GPR107: variants seen among roughly 807,000 people sequenced by gnomAD.
GPR107 encodes protein GPR107.
GPR107 carries 31 observed loss-of-function variants against 75.5 expected under a neutral mutation model. The observed-to-expected ratio is 0.41, with a 90% CI of 0.31 to 0.55. The LOEUF (loss-of-function observed/expected upper bound fraction) is 0.55. Among genes scored for constraint, GPR107 ranks in the 20% least tolerant of loss-of-function variants. The pLI, the probability that GPR107 is intolerant of heterozygous loss-of-function variation, is 0.26. For missense variants in GPR107, 572 were observed against 665.7 expected (o/e 0.86, Z 1.55); for synonymous variants, 267 against 251.3 (o/e 1.06, Z -0.59).
At chr9:130,131,438 A>T (rs1304372317) in intron 17 of GPR107, among the ~76,000 whole-genome samples, 1 of 151,776 alleles carries the variant, frequency 6.6e-6, no homozygotes, top group African/African-American at 2.4e-5. Context: ...CTGGCCACAC[A>T]CTGAAGCTCC....
In GPR107 at chr9:130,090,951, T is replaced by A; in HGVS notation, c.697T>A (p.Leu233Met). 6.5e-7 allele frequency: 1 copy of A among 1,531,012 alleles called. No homozygotes were observed. Among genetic ancestry groups the A allele is most frequent in the Non-Finnish European group, 9.1e-7 (1 of 1,104,878 alleles). The allele number at this position is 1,531,012 out of a possible 1,614,324, so 94.8% of individuals were successfully genotyped here. A position where few individuals can be genotyped will look rare whatever the true frequency, so the allele number is the denominator to read the frequency against. The change falls in exon 8 of 18, where the codon TTG becomes ATG. Residue 233 changes from leucine (L) to methionine (M), a missense_variant. Coordinates refer to ENST00000347136, the MANE Select transcript of GPR107 (RefSeq NM_020960.5). ...LYFHKCLGKE[L>M]PSDKFTFSLD... ...TTTTCATAAATGCCTTGGAAAAGAATTGCCAAGTGACAAGTTTACATTCAG... is the reference window on the plus strand; with the variant it reads ...TTTTCATAAATGCCTTGGAAAAGAAATGCCAAGTGACAAGTTTACATTCAG...
chr9:130,094,874 T>G (rs1010216239), intron 9 of GPR107, among the ~76,000 whole-genome samples: 6 of 152,152 alleles, frequency 3.9e-5, no homozygotes, highest in Admixed American at 6.5e-5. Flanking sequence ...AGAGACTGGC[T>G]TTTGCCATGT....
chr9:130,134,457 G>A lies in GPR107; in HGVS notation c.1563-568G>A, dbSNP rs527702129. On this transcript the variant is annotated intron_variant, in intron 17 of 17. Coordinates refer to ENST00000347136, the MANE Select transcript of GPR107 (RefSeq NM_020960.5). ...CACAGAGTGGAGGCAGAGGCCATGC[G>A]CTGAGGCACAGCCACATGGCCCAGC... Among the ~76,000 whole-genome samples the A allele has an allele frequency of 9.8e-5, 15 of 152,346 alleles. No homozygotes were observed. The East Asian group carries it at 1.9e-3, about 20-fold the overall frequency.
At chr9:130,086,230 ACTACCATT>A (rs1191467786) in intron 6 of GPR107, among the ~76,000 whole-genome samples, 182 bp from the exon 7 acceptor site, 1 of 152,232 alleles carries the variant, frequency 6.6e-6, no homozygotes, top group African/African-American at 2.4e-5. Flanking sequence ...GTGAAGAACA[ACTACCATT>A]CTCTGTGAAA....
chr9:130,129,317 G>A lies in GPR107; in HGVS notation c.1562+556G>A, dbSNP rs559855605. The A allele has an allele frequency of 5.2e-4, 80 of 152,638 alleles. 1 individual carries two copies. In the South Asian group the frequency reaches 0.015, roughly 29 times the overall value. 9.5% of individuals were successfully genotyped at this position (152,638 alleles called of 1,614,324 possible). A position where few individuals can be genotyped will look rare whatever the true frequency, so the allele number is the denominator to read the frequency against. On this transcript the variant is annotated intron_variant, in intron 17 of 17. Coordinates refer to ENST00000347136, the MANE Select transcript of GPR107 (RefSeq NM_020960.5). ...AAGGGCCATCATTGTCTAGAAAAAT[G>A]AGTAGTGATTAAGCATATTTGCTTG...
chr9:130,101,471 G>T (rs1035085274), intron 12 of GPR107, among the ~76,000 whole-genome samples: 1 of 152,276 alleles, frequency 6.6e-6, no homozygotes, highest in African/African-American at 2.4e-5. Flanking sequence ...TGCTGACAGT[G>T]ACAGGGAGAC....
At chr9:130,054,225 G>A in intron 1 of GPR107, 152 bp downstream of exon 1, 1 of 799,726 alleles carries the variant, frequency 1.3e-6, no homozygotes, top group Non-Finnish European at 1.9e-6. Context: ...GGGTCTGTGG[G>A]GAAGGCGGGT....
At chr9:130,098,558 T>A (rs1405591843) in intron 9 of GPR107, among the ~76,000 whole-genome samples, 1 of 152,188 alleles carries the variant, frequency 6.6e-6, no homozygotes, top group Admixed American at 6.6e-5. Flanking sequence ...GGGAACAAGC[T>A]GGCAGCCTGT....
intron 14 of GPR107, among the ~76,000 whole-genome samples, chr9:130,116,370 G>T (rs1448448531): frequency 6.6e-6 from 1 of 152,236 alleles, no homozygotes; most frequent in South Asian, 2.1e-4. Flanking sequence ...GATGACTGCA[G>T]TATTTAGGGA....
In GPR107 at chr9:130,086,490, TTG is replaced by T. The variant is rs752252076; in HGVS notation, c.621+18_621+19del. The T allele has an allele frequency of 2.8e-6, 4 of 1,440,866 alleles. No homozygotes were observed. In the African/African-American group the frequency reaches 5.6e-5, roughly 20 times the overall value. 89.3% of individuals were successfully genotyped at this position (1,440,866 alleles called of 1,614,324 possible). ...GTGTCATTTCAGGTATGTATGCTCT[TTG>T]TGTAAAGCCTCCTAGAATTTCTCTC... On this transcript the variant is annotated intron_variant, in intron 7 of 17. Transcript: ENST00000347136.
In GPR107 at chr9:130,077,424, G is replaced by A. The variant is rs188926417; in HGVS notation, c.386+46G>A. ...TTCAGTTCAGTCCTAGAGTAGAGTC[G>A]GGGAGAATTTAGTAGTATGCTAACA... On this transcript the variant is annotated intron_variant, in intron 4 of 17. Transcript: ENST00000347136. 3.0e-5 allele frequency: 29 copies of A among 956,050 alleles called. No individual in the cohort carries two copies. In the Admixed American group the frequency reaches 3.6e-4, roughly 12 times the overall value. 59.2% of individuals were successfully genotyped at this position (956,050 alleles called of 1,614,324 possible).
chr9:130,100,554 G>A (rs1437757376), intron 10 of GPR107, 75 bp from the exon 11 acceptor site: 2 of 1,053,954 alleles, frequency 1.9e-6, no homozygotes, highest in Non-Finnish European at 3.0e-6. Flanking sequence ...TTTCCCAAAT[G>A]GGTCCAAGTT....
intron 14 of GPR107, among the ~76,000 whole-genome samples, chr9:130,123,630 A>G (rs1007126575): frequency 5.3e-5 from 8 of 149,646 alleles, no homozygotes; most frequent in South Asian, 2.1e-4. Flanking sequence ...CAGCCCCCCA[A>G]GTAGGCAGCA....
intron 17 of GPR107, chr9:130,133,329 T>C (rs1831875384): frequency 6.6e-6 from 1 of 152,262 alleles, no homozygotes; most frequent in Non-Finnish European, 1.5e-5. Context: ...CGGGTCACAG[T>C]GAATGCGCTT....
intron 16 of GPR107, among the ~76,000 whole-genome samples, chr9:130,128,242 C>T (rs573514335): frequency 5.9e-5 from 9 of 152,290 alleles, no homozygotes; most frequent in Middle Eastern, 6.8e-3. Flanking sequence ...TTCTTCTTTG[C>T]CCATTTTATT....
chr9:130,071,709 G>A (rs1315877828), intron 1 of GPR107, among the ~76,000 whole-genome samples: 1 of 152,028 alleles, frequency 6.6e-6, no homozygotes, highest in Non-Finnish European at 1.5e-5. Flanking sequence ...TTGCGATAAA[G>A]TCTTGCTCTT....
chr9:130,131,165 G>A (rs782766369), intron 17 of GPR107, among the ~76,000 whole-genome samples: 10 of 152,284 alleles, frequency 6.6e-5, no homozygotes, highest in East Asian at 5.8e-4. Flanking sequence ...CCCCACCGCC[G>A]TATGTTCCTG....
chr9:130,113,678 A>T (rs1831357485), intron 14 of GPR107, among the ~76,000 whole-genome samples: 1 of 152,190 alleles, frequency 6.6e-6, no homozygotes, highest in Non-Finnish European at 1.5e-5. Context: ...CCAGTGCAGG[A>T]TGTTCCATAG....
intron 1 of GPR107, among the ~76,000 whole-genome samples, chr9:130,057,123 A>G (rs1394555132): frequency 1.3e-5 from 2 of 151,926 alleles, no homozygotes; most frequent in East Asian, 3.9e-4. Flanking sequence ...GAAATAGGGT[A>G]CTTGATCAGA....
Sources: gnomAD v4.1 joint callset for allele counts (sites outside exome capture counted in the v4.1 genomes callset) on GRCh38, gnomAD v4.1.1 for gene constraint, MANE v1.5 for transcripts, NCBI Gene and HGNC (gene_info 2026-07-23, HGNC 2026-07-21) for gene names.